STAB2: variants seen among roughly 807,000 people sequenced by gnomAD.
STAB2 encodes stabilin 2.
In STAB2, 288 loss-of-function variants were observed where a neutral mutation model predicts 338.1. That is an observed-to-expected ratio of 0.85 (90% confidence interval 0.77 to 0.94). STAB2 has a LOEUF of 0.94. Among genes scored for constraint, STAB2 ranks in the 40% least tolerant of loss-of-function variants. The probability of loss-of-function intolerance (pLI) is 0.00; values close to 1 mark genes in which losing one functional copy is unlikely to be tolerated. For synonymous variants in STAB2, 1,202 were observed against 1,193.3 expected, an observed-to-expected ratio of 1.01 and a Z score of -0.15; for missense variants, 3,141 against 3,210.1, an observed-to-expected ratio of 0.98 and a Z score of 0.52.
At position 103,748,946 on chromosome 12, in the gene STAB2, C is replaced by T. The variant is rs1367693174; in HGVS notation, c.6245-17C>T. 4.4e-6 allele frequency: 7 copies of T among 1,607,134 alleles called. No homozygotes were observed. In the South Asian group the frequency reaches 7.8e-5, roughly 18 times the overall value. On this transcript the variant is annotated splice_polypyrimidine_tract_variant and intron_variant, in intron 58 of 68. Transcript: ENST00000388887. ...CAGAAGGTGGTAAGTTGAGCCCTCT[C>T]TCCTCTGCTCTTGCAGTTGTGGATT...
intron 27 of STAB2, among the ~76,000 whole-genome samples, 172 bp downstream of exon 27, chr12:103,685,256 G>GCT (rs1877293453): frequency 6.6e-6 from 1 of 152,120 alleles, no homozygotes; most frequent in Non-Finnish European, 1.5e-5. Context: ...TTTTCTACAG[G>GCT]CTGAAGGCAG....
intron 9 of STAB2, among the ~76,000 whole-genome samples, chr12:103,641,121 C>T (rs1351212561): frequency 3.9e-5 from 6 of 152,208 alleles, no homozygotes; most frequent in African/African-American, 9.6e-5. Context: ...CAATCAACAT[C>T]GAACCATAGC....
At chr12:103,714,687 CAAA>C (rs11304361) in intron 42 of STAB2, among the ~76,000 whole-genome samples, 1 of 115,796 alleles carries the variant, frequency 8.6e-6, no homozygotes, top group African/African-American at 2.9e-5. Flanking sequence ...ACTCCATTTC[CAAA>C]AAAAAAAAAA....
chr12:103,742,280 A>G, intron 55 of STAB2, 125 bp from the exon 56 acceptor site: 1 of 1,264,046 alleles, frequency 7.9e-7, no homozygotes, highest in Non-Finnish European at 1.1e-6. Flanking sequence ...TTAAATATCC[A>G]CTGACACTGA....
chr12:103,758,018 G>A, intron 63 of STAB2, 152 bp from the exon 64 acceptor site: 2 of 1,130,776 alleles, frequency 1.8e-6, no homozygotes, highest in Non-Finnish European at 2.5e-6. Flanking sequence ...CTCTCCCACG[G>A]CGCAGGCAGA....
At chr12:103,710,052 C>G (rs1879712320) in intron 39 of STAB2, among the ~76,000 whole-genome samples, 2 of 152,166 alleles carry the variant, frequency 1.3e-5, no homozygotes, top group Admixed American at 6.5e-5. Flanking sequence ...CCCCTCTCAC[C>G]AGTAGCCTTG....
intron 6 of STAB2, among the ~76,000 whole-genome samples, chr12:103,635,685 A>G (rs949406266): frequency 1.3e-5 from 2 of 152,162 alleles, no homozygotes; most frequent in African/African-American, 4.8e-5. Context: ...TGAATCCCAC[A>G]CAGCTGGTCT....
chr12:103,717,336 G>T (rs917527427), intron 43 of STAB2, among the ~76,000 whole-genome samples: 4 of 152,144 alleles, frequency 2.6e-5, no homozygotes, highest in Non-Finnish European at 4.4e-5. Context: ...GGCTATAAAG[G>T]TCTCTCCTTA....
intron 25 of STAB2, among the ~76,000 whole-genome samples, chr12:103,682,383 T>C (rs542578834): frequency 6.6e-6 from 1 of 152,284 alleles, no homozygotes; most frequent in African/African-American, 2.4e-5. Context: ...CTGGGACTAG[T>C]TGGCTTGGAA....
In STAB2 at chr12:103,660,414, C is replaced by T. The variant is rs551872986; in HGVS notation, c.1788+30C>T. The T allele has an allele frequency of 2.3e-5, 37 of 1,611,826 alleles. No individual in the cohort carries two copies. The East Asian group carries it at 7.6e-4, about 33-fold the overall frequency. Reference sequence around the variant, plus strand: ...GCCCCACTTTTCCTGCTGCTACTTTCTCTCTGCTTCCAAGATAGCTAACTT... The same window carrying T: ...GCCCCACTTTTCCTGCTGCTACTTTTTCTCTGCTTCCAAGATAGCTAACTT... On this transcript the variant is annotated intron_variant, in intron 16 of 68. Transcript: ENST00000388887.
intron 5 of STAB2, among the ~76,000 whole-genome samples, chr12:103,625,293 G>T (rs367788137): frequency 6.6e-6 from 1 of 152,216 alleles, no homozygotes; most frequent in African/African-American, 2.4e-5. Context: ...AATAAAGGAA[G>T]TATCCTCCCT....
chr12:103,652,584 CT>C lies in STAB2; in HGVS notation c.1287del (p.Ala430LeufsTer5). The stretch of plus-strand genomic sequence containing the variant: ...AATGAGCTTTTGGTGGATAATAAAG[CT>C]GCTCAATACTTTGTGAAACTCCACA... ...NVNELLVDNK[A>X]AQYFVKLHII... On this transcript the variant is annotated frameshift_variant, in exon 12 of 69. Transcript: ENST00000388887. LOFTEE classifies it high-confidence loss of function. The C allele has an allele frequency of 6.3e-7, 1 of 1,594,918 alleles. No individual in the cohort carries two copies. The highest frequency in any genetic ancestry group is 8.5e-7 in the Non-Finnish European group (1 of 1,172,578).
chr12:103,752,016 A>G (rs571042986), intron 60 of STAB2, among the ~76,000 whole-genome samples: 1 of 152,330 alleles, frequency 6.6e-6, no homozygotes, highest in South Asian at 2.1e-4. Context: ...AACTGCCTTC[A>G]TGATTTGCAG....
intron 9 of STAB2, among the ~76,000 whole-genome samples, chr12:103,641,307 A>T (rs1334041998): frequency 6.6e-6 from 1 of 152,208 alleles, no homozygotes; most frequent in Non-Finnish European, 1.5e-5. Flanking sequence ...AAGAGCTGGG[A>T]TATCAGAACA....
intron 9 of STAB2, among the ~76,000 whole-genome samples, chr12:103,641,186 C>T (rs561041004): frequency 5.9e-5 from 9 of 152,320 alleles, no homozygotes; most frequent in East Asian, 1.9e-4. Context: ...GGGAAGTTCA[C>T]GCCTTTTATA....
At chr12:103,631,797 T>A in intron 6 of STAB2, 104 bp downstream of exon 6, 2 of 1,044,746 alleles carry the variant, frequency 1.9e-6, no homozygotes, top group Non-Finnish European at 1.4e-6. Context: ...GGCAAGGTAC[T>A]ACCAAAAGTT....
intron 19 of STAB2, 169 bp from the exon 20 acceptor site, chr12:103,668,474 G>C: frequency 1.6e-6 from 1 of 606,786 alleles, no homozygotes; most frequent in Non-Finnish European, 3.0e-6. Context: ...GCCTAAAAAA[G>C]GGTGTCCAAG....
chr12:103,678,094 C>G (rs1876553561), intron 25 of STAB2, among the ~76,000 whole-genome samples: 1 of 152,214 alleles, frequency 6.6e-6, no homozygotes, highest in Non-Finnish European at 1.5e-5. Context: ...CCCCATCCAT[C>G]CCCACCTGCT....
intron 37 of STAB2, 33 bp downstream of exon 37, chr12:103,705,760 G>A (rs1879292581): frequency 1.3e-6 from 2 of 1,598,486 alleles, no homozygotes; most frequent in Non-Finnish European, 8.6e-7. Flanking sequence ...ACTAACTACT[G>A]CAGCACCATT....
Sources: allele counts gnomAD v4.1 joint callset (sites outside exome capture counted in the v4.1 genomes callset), GRCh38; gene constraint gnomAD v4.1.1; transcripts MANE v1.5; gene names NCBI Gene and HGNC (gene_info 2026-07-23, HGNC 2026-07-21).